The following TLDC2 variants were observed in gnomAD, a reference collection of about 807,000 sequenced individuals.
TLDC2 encodes the protein TLD domain-containing protein 2.
In TLDC2, 23 loss-of-function variants were observed where a neutral mutation model predicts 27.9. The observed-to-expected ratio is 0.82, with a 90% CI of 0.59 to 1.17. The LOEUF is 1.17. Ranked by LOEUF, TLDC2 falls within the 50% of genes most tolerant of loss-of-function variation. The pLI is 0.00. For synonymous variants in TLDC2, 124 were observed against 107.4 expected (o/e 1.16, Z -0.96); for missense variants, 286 against 273.4 (o/e 1.05, Z -0.32).
intron 4 of TLDC2, among the ~76,000 whole-genome samples, chr20:36,881,834 G>A (rs1200127676): frequency 1.3e-5 from 2 of 152,218 alleles, no homozygotes; most frequent in South Asian, 2.1e-4. Context: ...GTTGGACAAT[G>A]TGTTGGAAGA....
At chr20:36,890,425 TTC>T (rs1431102124) in intron 6 of TLDC2, 1 of 151,494 alleles carries the variant, frequency 6.6e-6, no homozygotes, top group African/African-American at 2.4e-5. Context: ...TTTCTTTTCT[TTC>T]TCTCTTTCCT....
chr20:36,889,315 T>A lies in TLDC2; in HGVS notation c.577T>A (p.Phe193Ile). The change falls in exon 6 of 7, where the codon TTC becomes ATC. Residue 193 changes from phenylalanine (F) to isoleucine (I), a missense_variant. By Grantham distance (21) the Phe-to-Ile change is conservative. Transcript: ENST00000217320. ...CGGGGGAAGCTCCCCTTGCCCGACC[T>A]TCAACAACGAGGTGCTGGCCCGGCA... ...FRGGSSPCPT[F>I]NNEVLARQEQ... 1 of 1,614,186 alleles carries A rather than the reference T, an allele frequency of 6.2e-7. No individual in the cohort carries two copies. Among genetic ancestry groups the A allele is most frequent in the Non-Finnish European group, 8.5e-7 (1 of 1,180,026 alleles).
Position 36,893,114 on chromosome 20 carries a change from C to A in TLDC2, c.*270C>A. On this transcript the variant is annotated 3_prime_UTR_variant, in exon 7 of 7. Transcript: ENST00000217320. The stretch of plus-strand genomic sequence containing the variant: ...CAGGCAATAGAGAAAAGCCAGTTTC[C>A]ATCATCTTATTTCTGAGTGAAAGTC... 1.2e-6 allele frequency: 2 copies of A among 1,604,592 alleles called. No homozygotes were observed. Among genetic ancestry groups the A allele is most frequent in the Non-Finnish European group, 1.7e-6 (2 of 1,178,016 alleles).
chr20:36,891,267 C>T (rs1990067751), intron 6 of TLDC2: 2 of 152,224 alleles, frequency 1.3e-5, no homozygotes. Flanking sequence ...GCAGACATTC[C>T]AAGTACTCTT....
chr20:36,885,450 C>T (rs893805857), intron 4 of TLDC2, among the ~76,000 whole-genome samples: 4 of 152,266 alleles, frequency 2.6e-5, no homozygotes, highest in Middle Eastern at 6.8e-3. Context: ...CTCATGAATT[C>T]GGTAGTTCGT....
chr20:36,893,908 AGTGGGAGGCTCTG>A lies in TLDC2; in HGVS notation c.*1072_*1084del, dbSNP rs533937762. 5.8e-5 allele frequency: 23 copies of A among 398,606 alleles called. No homozygotes were observed. The South Asian group carries it at 2.7e-3, about 46-fold the overall frequency. 24.7% of individuals were successfully genotyped at this position (398,606 alleles called of 1,614,324 possible). A position where few individuals can be genotyped will look rare whatever the true frequency, so the allele number is the denominator to read the frequency against. ...TGTTGGTTTCCAGTTAGATTTGGTC[AGTGGGAGGCTCTG>A]GTGGGAGACTGGAGGTGAGAAGAGG... On this transcript the variant is annotated 3_prime_UTR_variant, in exon 7 of 7. Coordinates refer to ENST00000217320, the MANE Select transcript of TLDC2 (RefSeq NM_080628.3).
chr20:36,876,754 C>T (rs1989677859), intron 1 of TLDC2, among the ~76,000 whole-genome samples: 1 of 152,116 alleles, frequency 6.6e-6, no homozygotes, highest in Non-Finnish European at 1.5e-5. Flanking sequence ...GACACACACA[C>T]ATTCAAACAC....
chr20:36,883,537 C>A (rs867521523), intron 4 of TLDC2, among the ~76,000 whole-genome samples: 1 of 152,292 alleles, frequency 6.6e-6, no homozygotes, highest in East Asian at 1.9e-4. Flanking sequence ...AAGTGAATGG[C>A]ATCTCCATCT....
intron 4 of TLDC2, among the ~76,000 whole-genome samples, chr20:36,883,072 G>A (rs1989848593): frequency 6.6e-6 from 1 of 151,710 alleles, no homozygotes; most frequent in Non-Finnish European, 1.5e-5. Context: ...TCTCTTCCCT[G>A]GACTCCAAAC....
In TLDC2 at chr20:36,893,025, C is replaced by CT. The variant is rs1215993198; in HGVS notation, c.*188dup. 2 of 1,613,644 alleles carry CT rather than the reference C, an allele frequency of 1.2e-6. No homozygotes were observed. The highest frequency in any genetic ancestry group is 2.2e-5 in the East Asian group (1 of 44,882). On this transcript the variant is annotated 3_prime_UTR_variant, in exon 7 of 7. Coordinates refer to ENST00000217320, the MANE Select transcript of TLDC2 (RefSeq NM_080628.3). ...GGACTGAAGTACTGTCGTTCCATTC[C>CT]TTTTTTTGAGGTGTTATGAGTGGGG...
chr20:36,887,579 T>G, intron 5 of TLDC2, 51 bp downstream of exon 5: 1 of 1,550,140 alleles, frequency 6.5e-7, no homozygotes, highest in Non-Finnish European at 8.9e-7. Context: ...TTCTGGTCCC[T>G]TTCCCTCTGC....
intron 5 of TLDC2, 116 bp from the exon 6 acceptor site, chr20:36,889,135 A>C (rs1386110241): frequency 6.8e-7 from 1 of 1,464,242 alleles, no homozygotes. Context: ...AGGGGCGATA[A>C]GACAGGTGAA....
At chr20:36,877,746 T>C (rs1184375295) in intron 1 of TLDC2, among the ~76,000 whole-genome samples, 153 bp from the exon 2 acceptor site, 1 of 152,100 alleles carries the variant, frequency 6.6e-6, no homozygotes, top group Non-Finnish European at 1.5e-5. Context: ...CTGTCTGTCG[T>C]GGAAACCCCC....
chr20:36,888,529 A>AC (rs1274777901), intron 5 of TLDC2, among the ~76,000 whole-genome samples: 8 of 150,186 alleles, frequency 5.3e-5, no homozygotes, highest in African/African-American at 2.0e-4. Flanking sequence ...ACATGGTGAA[A>AC]CCCCATCTCT....
chr20:36,888,692 C>T (rs1989982437), intron 5 of TLDC2, among the ~76,000 whole-genome samples: 1 of 101,968 alleles, frequency 9.8e-6, no homozygotes, highest in South Asian at 3.8e-4. Context: ...GGCGACAGAG[C>T]AAGACTCCTA....
chr20:36,885,857 A>G (rs1299198517), intron 4 of TLDC2, among the ~76,000 whole-genome samples: 2 of 152,176 alleles, frequency 1.3e-5, no homozygotes, highest in African/African-American at 4.8e-5. Context: ...ATAAATAAAG[A>G]GGAATGAAAC....
At chr20:36,885,209 T>C (rs547583501) in intron 4 of TLDC2, among the ~76,000 whole-genome samples, 25 of 152,262 alleles carry the variant, frequency 1.6e-4, no homozygotes, top group Admixed American at 4.6e-4. Context: ...ATCTGCCTTC[T>C]CCCACTAGAA....
intron 1 of TLDC2, 148 bp from the exon 2 acceptor site, chr20:36,877,751 A>C (rs1989705702): frequency 6.6e-6 from 6 of 903,204 alleles, no homozygotes; most frequent in Non-Finnish European, 1.0e-5. Flanking sequence ...TGTCGTGGAA[A>C]CCCCCAACTA....
chr20:36,878,438 G>A (rs901352705), intron 2 of TLDC2, among the ~76,000 whole-genome samples: 5 of 152,086 alleles, frequency 3.3e-5, no homozygotes, highest in South Asian at 2.1e-4. Flanking sequence ...AAAATTAGCC[G>A]GGTGTGGTGG....
Sources: gnomAD v4.1 joint callset for allele counts (sites outside exome capture counted in the v4.1 genomes callset) on GRCh38, gnomAD v4.1.1 for gene constraint, MANE v1.5 for transcripts, NCBI Gene and HGNC (gene_info 2026-07-23, HGNC 2026-07-21) for gene names.